The following CHRDL1 variants were observed in gnomAD, a reference collection of about 807,000 sequenced individuals.
The protein encoded by CHRDL1 is chordin like 1.
In CHRDL1, 19 loss-of-function variants were observed where a neutral mutation model predicts 40.9. The observed-to-expected ratio is 0.46, with a 90% CI of 0.32 to 0.68. The LOEUF (loss-of-function observed/expected upper bound fraction) is 0.68, where lower values mean the gene tolerates loss of function less well. CHRDL1 is among the 30% of genes least tolerant of loss of function. CHRDL1 has a pLI of 0.03. For synonymous variants in CHRDL1, 136 were observed against 123.4 expected (o/e 1.10, Z -0.68); for missense variants, 329 against 352.1 (o/e 0.93, Z 0.53).
chrX:110,761,927 C>T (rs1182451944), intron 3 of CHRDL1, among the ~76,000 whole-genome samples: 1 of 112,378 alleles, frequency 8.9e-6, no homozygotes, highest in African/African-American at 3.2e-5. Context: ...AGGTACAGGC[C>T]AACGTTTCAC....
chrX:110,772,505 G>A (rs1332165499), intron 2 of CHRDL1, among the ~76,000 whole-genome samples: 2 of 112,315 alleles, frequency 1.8e-5, no homozygotes, highest in African/African-American at 6.5e-5. Flanking sequence ...CAGGCATGGC[G>A]GCACACGCCT....
At chrX:110,736,343 T>C (rs2071262722) in intron 4 of CHRDL1, among the ~76,000 whole-genome samples, 1 of 112,120 alleles carries the variant, frequency 8.9e-6, no homozygotes. Context: ...AACTCCACCA[T>C]TGATTGCCAT....
At position 110,674,235 on chromosome X, in the gene CHRDL1, G is replaced by A. The variant is rs899139782; in HGVS notation, c.*1996C>T. The stretch of plus-strand genomic sequence containing the variant: ...GCTTCCCACAGCATTTTGCAAAGGT[G>A]TGTCCCAGCACCTGGAGGCAGGAGT... On this transcript the variant is annotated 3_prime_UTR_variant, in exon 12 of 12. Transcript: ENST00000372042. 2.7e-5 allele frequency: 3 copies of A among 111,311 alleles called. No homozygotes were observed. The highest frequency in any genetic ancestry group is 9.8e-5 in the African/African-American group (3 of 30,626). 9.2% of individuals were successfully genotyped at this position (111,311 alleles called of 1,213,427 possible). A position where few individuals can be genotyped will look rare whatever the true frequency, so the allele number is the denominator to read the frequency against.
In CHRDL1 at chrX:110,674,492, CACACACACACACAA is replaced by C. The variant is rs1402114307; in HGVS notation, c.*1725_*1738del. The C allele has an allele frequency of 7.3e-5, 8 of 109,727 alleles. No homozygotes were observed. The highest frequency in any genetic ancestry group is 2.3e-4 in the African/African-American group (7 of 29,877). The allele number at this position is 109,727 out of a possible 1,213,427, so 9.0% of individuals were successfully genotyped here. A position where few individuals can be genotyped will look rare whatever the true frequency, so the allele number is the denominator to read the frequency against. ...ACACACACACACACACACACACACA[CACACACACACACAA>C]ACTAATGCTTTGTGACCTCTCAACC... is the stretch of plus-strand genomic sequence containing the variant. On this transcript the variant is annotated 3_prime_UTR_variant, in exon 12 of 12. Transcript: ENST00000372042.
intron 11 of CHRDL1, among the ~76,000 whole-genome samples, chrX:110,679,123 TG>T (rs1454313821): frequency 1.2e-4 from 13 of 111,632 alleles, no homozygotes; most frequent in South Asian, 7.6e-4. Context: ...AGACTACATC[TG>T]GGTTTGTATT....
chrX:110,764,510 C>A (rs1378145592), intron 2 of CHRDL1, among the ~76,000 whole-genome samples: 2 of 112,261 alleles, frequency 1.8e-5, no homozygotes, highest in Admixed American at 9.5e-5. Context: ...TACATCACCT[C>A]AGTGCCACTA....
chrX:110,789,634 G>T (rs1374470930), intron 2 of CHRDL1, among the ~76,000 whole-genome samples: 1 of 111,816 alleles, frequency 8.9e-6, no homozygotes, highest in Non-Finnish European at 1.9e-5. Context: ...ACACATTATT[G>T]AGCAAAAGCA....
rs532497844 is a variant in CHRDL1, at chrX:110,697,993, T to G, written c.609+2661A>C. ...AAAGGAGTCATATTTGAACCACTGG[T>G]TCCTCTTCCTGTGCACTTCATAAAA... On this transcript the variant is annotated intron_variant, in intron 7 of 11. Coordinates refer to ENST00000372042, the MANE Select transcript of CHRDL1 (RefSeq NM_001143981.2). 2.7e-5 allele frequency among the ~76,000 whole-genome samples: 3 copies of G among 111,296 alleles called. No individual in the cohort carries two copies. The South Asian group carries it at 1.1e-3, about 43-fold the overall frequency.
chrX:110,728,652 G>C (rs2071101036), intron 4 of CHRDL1, among the ~76,000 whole-genome samples: 1 of 111,960 alleles, frequency 8.9e-6, no homozygotes, highest in African/African-American at 3.3e-5. Flanking sequence ...GTAAATCTGA[G>C]CTGGCTTTTA....
At chrX:110,713,794 C>T (rs1047204247) in intron 6 of CHRDL1, among the ~76,000 whole-genome samples, 1 of 112,533 alleles carries the variant, frequency 8.9e-6, no homozygotes, top group African/African-American at 3.2e-5. Flanking sequence ...AGAACATTGT[C>T]TGGCACATTG....
At chrX:110,756,110 T>C (rs2089448169) in intron 4 of CHRDL1, among the ~76,000 whole-genome samples, 1 of 111,997 alleles carries the variant, frequency 8.9e-6, no homozygotes, top group African/African-American at 3.2e-5. Flanking sequence ...TGCATTCTGG[T>C]TCAATATGGC....
chrX:110,766,172 T>C (rs1225335289), intron 2 of CHRDL1, among the ~76,000 whole-genome samples: 4 of 111,284 alleles, frequency 3.6e-5, no homozygotes, highest in Non-Finnish European at 5.7e-5. Context: ...CAGAACCTTA[T>C]CAAAATCTCT....
chrX:110,766,446 C>G (rs1322387209), intron 2 of CHRDL1, among the ~76,000 whole-genome samples: 1 of 111,257 alleles, frequency 9.0e-6, no homozygotes, highest in Non-Finnish European at 1.9e-5. Context: ...ATCGATAGAC[C>G]ATTAGCAAGA....
chrX:110,712,157 T>G (rs187275393), intron 6 of CHRDL1, among the ~76,000 whole-genome samples: 1 of 112,145 alleles, frequency 8.9e-6, no homozygotes. Flanking sequence ...AGTGCAAGAA[T>G]ATATTTCTGA....
At chrX:110,742,528 A>G (rs2071380058) in intron 4 of CHRDL1, among the ~76,000 whole-genome samples, 1 of 112,749 alleles carries the variant, frequency 8.9e-6, no homozygotes, top group Non-Finnish European at 1.9e-5. Context: ...CCCCACAGAC[A>G]TTTGTCCAGA....
At chrX:110,754,075 A>G (rs1012704213) in intron 4 of CHRDL1, among the ~76,000 whole-genome samples, 23 of 112,411 alleles carry the variant, frequency 2.0e-4, no homozygotes, top group African/African-American at 6.8e-4. Flanking sequence ...CATTTGCCCT[A>G]CATTCTTCCT....
intron 2 of CHRDL1, among the ~76,000 whole-genome samples, chrX:110,773,676 C>T (rs1454471114): frequency 3.0e-5 from 3 of 98,400 alleles, no homozygotes; most frequent in Non-Finnish European, 4.0e-5. Flanking sequence ...TGCAGTGAGC[C>T]GAGATCGCGC....
intron 2 of CHRDL1, among the ~76,000 whole-genome samples, chrX:110,774,930 C>T (rs1465814751): frequency 4.5e-5 from 5 of 111,623 alleles, no homozygotes; most frequent in Non-Finnish European, 7.5e-5. Context: ...AGATGCAGTT[C>T]AAAGTAATGC....
Position 110,675,726 on chromosome X carries a change from GGA to G in CHRDL1, c.*503_*504del, listed in dbSNP as rs767730091. ...GTGTGTGTGTCTGTGAGAGAGGGAG[GGA>G]GAGAGAGAGAGAGAGAGAAGGAGGG... is the stretch of plus-strand genomic sequence containing the variant. On this transcript the variant is annotated 3_prime_UTR_variant, in exon 12 of 12. Coordinates refer to ENST00000372042, the MANE Select transcript of CHRDL1 (RefSeq NM_001143981.2). The G allele has an allele frequency of 1.7e-4, 12 of 70,876 alleles. No individual in the cohort carries two copies. The highest frequency in any genetic ancestry group is 5.7e-4 in the East Asian group (2 of 3,488). The allele number at this position is 70,876 out of a possible 1,213,427, so 5.8% of individuals were successfully genotyped here.
Sources: gnomAD v4.1 joint callset for allele counts (sites outside exome capture counted in the v4.1 genomes callset) on GRCh38, gnomAD v4.1.1 for gene constraint, MANE v1.5 for transcripts, NCBI Gene and HGNC (gene_info 2026-07-23, HGNC 2026-07-21) for gene names.